TAFA1: variants seen among roughly 807,000 people sequenced by gnomAD.
TAFA1 encodes chemokine-like protein TAFA-1.
TAFA1 carries 4 observed loss-of-function variants against 18.5 expected under a neutral mutation model. That is an observed-to-expected ratio of 0.22 (90% CI 0.11 to 0.49). The LOEUF is 0.49. TAFA1 is among the 20% of genes least tolerant of loss of function. TAFA1 has a pLI of 0.98. For missense variants in TAFA1, 147 were observed against 169.0 expected, an observed-to-expected ratio of 0.87 and a Z score of 0.72; for synonymous variants, 56 against 55.2, an observed-to-expected ratio of 1.01 and a Z score of -0.06.
intron 3 of TAFA1, among the ~76,000 whole-genome samples, chr3:68,510,139 A>ATCCTGCTT (rs898397621): frequency 2.6e-5 from 4 of 151,990 alleles, no homozygotes; most frequent in Non-Finnish European, 4.4e-5. Context: ...GCTCTTTCCC[A>ATCCTGCTT]TCCTGCTTTG....
chr3:68,455,913 C>A lies in TAFA1; in HGVS notation c.259+38493C>A, dbSNP rs981880569. On this transcript the variant is annotated intron_variant, in intron 3 of 4. Transcript: ENST00000478136. ...CTGACAAACTTTTTATAGAGTGTCA[C>A]GCTTAAGGAGCCTTTTAAAGGTCCT... is the stretch of plus-strand genomic sequence containing the variant. Among the ~76,000 whole-genome samples the A allele has an allele frequency of 5.3e-5, 8 of 152,074 alleles. 1 individual carries two copies. The highest frequency in any genetic ancestry group is 2.6e-4 in the Admixed American group (4 of 15,258).
chr3:68,459,254 C>T (rs1368441348), intron 3 of TAFA1, among the ~76,000 whole-genome samples: 1 of 152,004 alleles, frequency 6.6e-6, no homozygotes, highest in Non-Finnish European at 1.5e-5. Flanking sequence ...CAGGTGGCAC[C>T]CCACAACATC....
chr3:68,539,989 A>G (rs2073346471), intron 4 of TAFA1, among the ~76,000 whole-genome samples: 1 of 152,186 alleles, frequency 6.6e-6, no homozygotes, highest in South Asian at 2.1e-4. Flanking sequence ...GTTTTATTCT[A>G]CCAAAGGTCT....
At chr3:68,088,340 G>GCTGGCACACCTAGCCAGCATCACAT (rs2064995027) in intron 2 of TAFA1, among the ~76,000 whole-genome samples, 2 of 152,040 alleles carry the variant, frequency 1.3e-5, no homozygotes, top group South Asian at 2.1e-4. Flanking sequence ...GATCATTTGT[G>GCTGGCACACCTAGCCAGCATCACAT]GTTTTGACAC....
intron 2 of TAFA1, among the ~76,000 whole-genome samples, chr3:68,210,954 G>T (rs575797445): frequency 1.6e-4 from 25 of 152,038 alleles, no homozygotes; most frequent in African/African-American, 5.8e-4. Flanking sequence ...AAGACCCAGT[G>T]CTAAGACAAC....
At chr3:68,355,803 T>C (rs1165724726) in intron 2 of TAFA1, among the ~76,000 whole-genome samples, 1 of 151,950 alleles carries the variant, frequency 6.6e-6, no homozygotes, top group African/African-American at 2.4e-5. Flanking sequence ...AGCAATGAAG[T>C]GACTGCTTGT....
chr3:68,313,242 A>G (rs1009776791), intron 2 of TAFA1, among the ~76,000 whole-genome samples: 2 of 152,206 alleles, frequency 1.3e-5, no homozygotes, highest in Non-Finnish European at 2.9e-5. Flanking sequence ...TACCAAATTA[A>G]CAGTAAACAA....
At chr3:68,514,244 A>T (rs531080973) in intron 3 of TAFA1, among the ~76,000 whole-genome samples, 1 of 152,340 alleles carries the variant, frequency 6.6e-6, no homozygotes, top group East Asian at 1.9e-4. Flanking sequence ...ATTTGGAAAG[A>T]TTAAAATGGC....
chr3:68,468,655 G>T (rs2071934708), intron 3 of TAFA1, among the ~76,000 whole-genome samples: 1 of 152,178 alleles, frequency 6.6e-6, no homozygotes, highest in South Asian at 2.1e-4. Flanking sequence ...TGGACAGAAT[G>T]AAGTTTTGAG....
chr3:68,116,014 T>C (rs1365029094), intron 2 of TAFA1, among the ~76,000 whole-genome samples: 1 of 152,150 alleles, frequency 6.6e-6, no homozygotes, highest in African/African-American at 2.4e-5. Context: ...CCCAGCACTT[T>C]GGGAGGCCGA....
At chr3:68,260,607 A>G (rs1418556833) in intron 2 of TAFA1, among the ~76,000 whole-genome samples, 8 of 152,168 alleles carry the variant, frequency 5.3e-5, no homozygotes, top group Non-Finnish European at 1.5e-5. Context: ...GCCCTCAGAA[A>G]TAATGCCGCA....
intron 2 of TAFA1, among the ~76,000 whole-genome samples, chr3:68,244,016 T>TCTCA (rs745657173): frequency 1.2e-4 from 18 of 152,216 alleles, no homozygotes; most frequent in Non-Finnish European, 1.8e-4. Context: ...GTGGTTTTAA[T>TCTCA]TTGCATTTTC....
chr3:68,360,676 C>A (rs993466802), intron 2 of TAFA1, among the ~76,000 whole-genome samples: 6 of 151,882 alleles, frequency 4.0e-5, no homozygotes, highest in Non-Finnish European at 5.9e-5. Context: ...AAGTATGACA[C>A]ATGTTTCTAT....
chr3:68,223,860 C>T (rs2066762347), intron 2 of TAFA1, among the ~76,000 whole-genome samples: 1 of 151,992 alleles, frequency 6.6e-6, no homozygotes, highest in African/African-American at 2.4e-5. Context: ...AATCACCATG[C>T]TTTATTTTAA....
At chr3:68,393,331 C>T (rs2070302182) in intron 2 of TAFA1, among the ~76,000 whole-genome samples, 1 of 150,390 alleles carries the variant, frequency 6.6e-6, no homozygotes, top group Non-Finnish European at 1.5e-5. Context: ...CTGAATAGAC[C>T]AATAGCAAGT....
At chr3:68,447,034 G>C (rs1027425144) in intron 3 of TAFA1, among the ~76,000 whole-genome samples, 2 of 152,014 alleles carry the variant, frequency 1.3e-5, no homozygotes, top group African/African-American at 4.8e-5. Context: ...CATAATGTTG[G>C]GTCAGTTGCT....
At position 68,503,227 on chromosome 3, in the gene TAFA1, G is replaced by A. The variant is rs149103906; in HGVS notation, c.260-35529G>A. ...ATTACCTTCAGGCTGTGTATAAGGT[G>A]CACATAAAACATGCGTAGGTTTTGT... On this transcript the variant is annotated intron_variant, in intron 3 of 4. Coordinates refer to ENST00000478136, the MANE Select transcript of TAFA1 (RefSeq NM_213609.4). 4.5e-4 allele frequency among the ~76,000 whole-genome samples: 69 copies of A among 152,240 alleles called. 2 individuals carry two copies. In the East Asian group the frequency reaches 0.011, roughly 23 times the overall value.
chr3:68,502,202 C>G (rs561366410), intron 3 of TAFA1, among the ~76,000 whole-genome samples: 1 of 152,234 alleles, frequency 6.6e-6, no homozygotes, highest in Non-Finnish European at 1.5e-5. Context: ...GCAAGGGCAT[C>G]ATTCTAAGCA....
intron 2 of TAFA1, among the ~76,000 whole-genome samples, chr3:68,164,682 G>A (rs966119038): frequency 2.7e-5 from 4 of 149,316 alleles, no homozygotes; most frequent in Admixed American, 1.3e-4. Context: ...ACACGGGGAA[G>A]TTAAAATCTA....
Sources: allele counts gnomAD v4.1 joint callset (sites outside exome capture counted in the v4.1 genomes callset), GRCh38; gene constraint gnomAD v4.1.1; transcripts MANE v1.5; gene names NCBI Gene and HGNC (gene_info 2026-07-23, HGNC 2026-07-21).